FBRSL1: variants seen among roughly 807,000 people sequenced by gnomAD.
FBRSL1 encodes the protein fibrosin like 1, also known as fibrosin-1-like protein.
In FBRSL1, 51 loss-of-function variants were observed where a neutral mutation model predicts 89.6. The ratio of observed to expected loss-of-function variants is 0.57; its 90% CI spans 0.45 to 0.72. The LOEUF is 0.72. FBRSL1 is among the 30% of genes least tolerant of loss of function. FBRSL1 has a pLI of 0.00. For missense variants in FBRSL1, 1,618 were observed against 1,451.8 expected, an observed-to-expected ratio of 1.11 and a Z score of -1.86; for synonymous variants, 779 against 681.1, an observed-to-expected ratio of 1.14 and a Z score of -2.24.
chr12:132,537,488 G>C (rs2036860899), intron 4 of FBRSL1, among the ~76,000 whole-genome samples: 1 of 152,178 alleles, frequency 6.6e-6, no homozygotes, highest in Non-Finnish European at 1.5e-5. Context: ...CAGTCCAGAT[G>C]TTCCTATTTG....
intron 1 of FBRSL1, among the ~76,000 whole-genome samples, chr12:132,492,731 G>T (rs2031267541): frequency 6.6e-6 from 1 of 152,214 alleles, no homozygotes; most frequent in South Asian, 2.1e-4. Flanking sequence ...AGGTCATAGT[G>T]AGACAAGTCT....
At chr12:132,532,054 C>T (rs967733772) in intron 4 of FBRSL1, among the ~76,000 whole-genome samples, 4 of 152,196 alleles carry the variant, frequency 2.6e-5, no homozygotes, top group Non-Finnish European at 5.9e-5. Flanking sequence ...TGAGGATCCA[C>T]AAGAGCTTGC....
chr12:132,509,167 T>G, intron 2 of FBRSL1: 1 of 1,243,848 alleles, frequency 8.0e-7, no homozygotes, highest in African/African-American at 1.5e-5. Context: ...TCCATGCAGG[T>G]GTGCTCCCCA....
chr12:132,534,582 C>T (rs748288950), intron 4 of FBRSL1, among the ~76,000 whole-genome samples: 35 of 152,374 alleles, frequency 2.3e-4, no homozygotes, highest in Non-Finnish European at 2.1e-4. Flanking sequence ...AGCGGGCACG[C>T]GCTCTTTTAT....
chr12:132,508,252 A>G lies in FBRSL1; in HGVS notation c.391A>G (p.Ser131Gly). 5 of 1,550,830 alleles carry G rather than the reference A, an allele frequency of 3.2e-6. No individual in the cohort carries two copies. Among genetic ancestry groups the G allele is most frequent in the Non-Finnish European group, 4.4e-6 (5 of 1,146,884 alleles). Residue 131 changes from serine to glycine, a missense_variant, in exon 2 of 19, where the codon AGT (serine) becomes GGT (glycine). Ser to Gly is a moderately conservative substitution (Grantham distance 56, BLOSUM62 0). Coordinates refer to ENST00000680143, the MANE Select transcript of FBRSL1 (RefSeq NM_001367871.1). ...ESETCPPAEP[S>G]ENRRPLEAGS... ...GGAAACCTGCCCCCCTGCGGAGCCC[A>G]GTGAGAACAGGCGGCCCCTGGAGGC...
intron 2 of FBRSL1, 139 bp downstream of exon 2, chr12:132,508,489 T>A: frequency 1.8e-6 from 2 of 1,081,332 alleles, no homozygotes; most frequent in Non-Finnish European, 2.6e-6. Context: ...AGGCTTGGGG[T>A]GCAGGACACG....
chr12:132,580,017 T>A (rs1049987037), intron 15 of FBRSL1, among the ~76,000 whole-genome samples: 1 of 152,220 alleles, frequency 6.6e-6, no homozygotes, highest in Non-Finnish European at 1.5e-5. Context: ...CAATTCTTAA[T>A]GTTGCTTGGC....
chr12:132,494,863 C>A (rs575841293), intron 1 of FBRSL1, among the ~76,000 whole-genome samples: 2 of 152,334 alleles, frequency 1.3e-5, no homozygotes, highest in African/African-American at 4.8e-5. Context: ...CCTCTAACGC[C>A]TGTGCTTCCA....
At chr12:132,569,524 G>T (rs1273477564) in intron 6 of FBRSL1, among the ~76,000 whole-genome samples, 2 of 152,192 alleles carry the variant, frequency 1.3e-5, no homozygotes, top group African/African-American at 4.8e-5. Flanking sequence ...ACAGGCCCTA[G>T]CTCCCGTGTT....
intron 4 of FBRSL1, among the ~76,000 whole-genome samples, chr12:132,532,519 C>T (rs2036376427): frequency 6.6e-6 from 1 of 152,210 alleles, no homozygotes; most frequent in South Asian, 2.1e-4. Context: ...TCCCCACTGG[C>T]AAGGTCCTCC....
chr12:132,574,371 C>G (rs941267853), intron 13 of FBRSL1, 23 bp downstream of exon 13: 1 of 1,549,782 alleles, frequency 6.5e-7, no homozygotes, highest in Admixed American at 2.0e-5. Flanking sequence ...TGGGAAGGCC[C>G]GTGGCAAGGG....
Position 132,584,679 on chromosome 12 carries a change from G to C in FBRSL1, c.*901G>C, listed in dbSNP as rs961368513. The C allele has an allele frequency of 6.6e-6, 1 of 152,286 alleles. No individual in the cohort carries two copies. Among genetic ancestry groups the C allele is most frequent in the Admixed American group, 6.5e-5 (1 of 15,284 alleles). The allele number at this position is 152,286 out of a possible 1,614,324, so 9.4% of individuals were successfully genotyped here. A position where few individuals can be genotyped will look rare whatever the true frequency, so the allele number is the denominator to read the frequency against. ...GGCCAGCAGAACAGCACTCCTGGGCGGCTCCTGTGGGCTTCAGGACTGGCC... is the reference window on the plus strand; with the variant it reads ...GGCCAGCAGAACAGCACTCCTGGGCCGCTCCTGTGGGCTTCAGGACTGGCC... On this transcript the variant is annotated 3_prime_UTR_variant, in exon 19 of 19. Transcript: ENST00000680143.
At position 132,509,111 on chromosome 12, in the gene FBRSL1, G is replaced by A. The variant is rs1232406860; in HGVS notation, c.489+761G>A. The A allele has an allele frequency of 2.5e-6, 3 of 1,187,778 alleles. No individual in the cohort carries two copies. The Admixed American group carries it at 1.3e-4, about 52-fold the overall frequency. 73.6% of individuals were successfully genotyped at this position (1,187,778 alleles called of 1,614,324 possible). A position where few individuals can be genotyped will look rare whatever the true frequency, so the allele number is the denominator to read the frequency against. ...CCTCCTGGGCCCGGGCTGGACGGGG[G>A]TTCCGCGGGCGGTGACACCTGCCCA... On this transcript the variant is annotated intron_variant, in intron 2 of 18. Transcript: ENST00000680143.
intron 3 of FBRSL1, among the ~76,000 whole-genome samples, chr12:132,526,622 G>A (rs577947496): frequency 6.6e-4 from 101 of 152,292 alleles, no homozygotes; most frequent in African/African-American, 2.3e-3. Flanking sequence ...AAGGGGAGGG[G>A]GTGTCCTCCC....
At chr12:132,572,182 C>G (rs1593558946) in intron 9 of FBRSL1, 106 bp from the exon 10 acceptor site, 2 of 1,034,416 alleles carry the variant, frequency 1.9e-6, no homozygotes, top group Non-Finnish European at 2.8e-6. Flanking sequence ...CCTCAGGAAG[C>G]ACAACGCCGT....
chr12:132,573,751 G>A (rs1272556863), intron 11 of FBRSL1, among the ~76,000 whole-genome samples: 3 of 152,268 alleles, frequency 2.0e-5, no homozygotes, highest in East Asian at 3.9e-4. Context: ...ATCTCCCCTT[G>A]GCCCATCCAG....
intron 2 of FBRSL1, among the ~76,000 whole-genome samples, chr12:132,523,703 A>G (rs2035554857): frequency 6.6e-6 from 1 of 152,210 alleles, no homozygotes; most frequent in Admixed American, 6.5e-5. Flanking sequence ...AAGTGAGTGC[A>G]GGGCTCATGG....
chr12:132,567,437 G>A, intron 5 of FBRSL1, 44 bp from the exon 6 acceptor site: 1 of 1,547,034 alleles, frequency 6.5e-7, no homozygotes, highest in Non-Finnish European at 8.7e-7. Context: ...CCACGAGGAT[G>A]AGGACCACCC....
intron 1 of FBRSL1, among the ~76,000 whole-genome samples, chr12:132,507,570 TG>T (rs35886232): frequency 2.0e-5 from 3 of 152,046 alleles, no homozygotes; most frequent in Non-Finnish European, 4.4e-5. Context: ...ACAGGGGGCC[TG>T]GGGGTGTCCC....
Sources: gnomAD v4.1 joint callset for allele counts (sites outside exome capture counted in the v4.1 genomes callset) on GRCh38, gnomAD v4.1.1 for gene constraint, MANE v1.5 for transcripts, NCBI Gene and HGNC (gene_info 2026-07-23, HGNC 2026-07-21) for gene names.